Variants in ASTN2 observed in about 807,000 individuals in gnomAD.
ASTN2 encodes the protein astrotactin-2.
ASTN2 carries 54 observed loss-of-function variants against 139.8 expected under a neutral mutation model. The ratio of observed to expected loss-of-function variants is 0.39; its 90% CI spans 0.31 to 0.48. The LOEUF (loss-of-function observed/expected upper bound fraction) is 0.48. Ranked by LOEUF, ASTN2 falls within the 20% of genes least tolerant of loss-of-function variation. ASTN2 has a pLI of 0.95. For missense variants in ASTN2, 1,565 were observed against 1,725.1 expected (o/e 0.91, Z 1.64); for synonymous variants, 756 against 719.5 (o/e 1.05, Z -0.81).
At chr9:116,963,033 A>G (rs768228102) in intron 10 of ASTN2, among the ~76,000 whole-genome samples, 34 of 152,246 alleles carry the variant, frequency 2.2e-4, no homozygotes, top group Non-Finnish European at 4.6e-4. Context: ...TCGATCCATG[A>G]ACTCCAGGAA....
intron 13 of ASTN2, among the ~76,000 whole-genome samples, chr9:116,781,828 T>C (rs1289542996): frequency 1.1e-4 from 17 of 152,126 alleles, no homozygotes; most frequent in Admixed American, 1.1e-3. Flanking sequence ...CCACATATTG[T>C]TGAAAAGAAG....
chr9:116,478,822 T>G (rs764199249), intron 20 of ASTN2, among the ~76,000 whole-genome samples: 4 of 151,470 alleles, frequency 2.6e-5, no homozygotes, highest in Non-Finnish European at 4.4e-5. Context: ...TGAAACCCCA[T>G]CTCTACTAAA....
intron 10 of ASTN2, among the ~76,000 whole-genome samples, chr9:116,882,344 T>G (rs535038967): frequency 1.4e-4 from 22 of 152,188 alleles, no homozygotes; most frequent in Non-Finnish European, 2.9e-4. Context: ...TCAAAAGACT[T>G]CAGTCTTTTT....
At chr9:116,872,194 C>A (rs1833185531) in intron 10 of ASTN2, among the ~76,000 whole-genome samples, 1 of 151,854 alleles carries the variant, frequency 6.6e-6, no homozygotes, top group African/African-American at 2.4e-5. Context: ...GAACTTCTGA[C>A]CTCAGGTAAT....
In ASTN2 at chr9:116,530,129, A is replaced by T. The variant is rs1444301308; in HGVS notation, c.3356-42629T>A. 6.9e-4 allele frequency among the ~76,000 whole-genome samples: 23 copies of T among 33,280 alleles called. 3 individuals are homozygous for T. The highest frequency in any genetic ancestry group is 2.5e-3 in the African/African-American group (23 of 9,236). The allele number at this position is 33,280 out of a possible 152,430, so 21.8% of individuals were successfully genotyped here. On this transcript the variant is annotated intron_variant, in intron 19 of 22. Coordinates refer to ENST00000313400, the MANE Select transcript of ASTN2 (RefSeq NM_001365068.1). The stretch of plus-strand genomic sequence containing the variant: ...TATATATATATATATATATATATAT[A>T]TATATATATATATATATATATAAAA...
intron 10 of ASTN2, among the ~76,000 whole-genome samples, chr9:116,904,968 C>T (rs1834115324): frequency 6.6e-6 from 1 of 152,114 alleles, no homozygotes; most frequent in Non-Finnish European, 1.5e-5. Context: ...AACTCTCCTC[C>T]AAGTCCTCCA....
intron 13 of ASTN2, among the ~76,000 whole-genome samples, chr9:116,773,460 G>T (rs1232951137): frequency 7.2e-5 from 11 of 152,200 alleles, no homozygotes; most frequent in African/African-American, 2.7e-4. Flanking sequence ...TGGGGTCACA[G>T]AAATGGTGGT....
At chr9:116,973,754 A>G (rs1836273275) in intron 10 of ASTN2, among the ~76,000 whole-genome samples, 1 of 152,228 alleles carries the variant, frequency 6.6e-6, no homozygotes, top group East Asian at 1.9e-4. Context: ...GTAAATATCG[A>G]TGAATCAGTA....
At chr9:116,908,401 T>C (rs1270321341) in intron 10 of ASTN2, among the ~76,000 whole-genome samples, 3 of 109,010 alleles carry the variant, frequency 2.8e-5, no homozygotes, top group Admixed American at 9.2e-5. Flanking sequence ...AATGGAGTAA[T>C]GATTTATAAA....
chr9:116,609,379 G>A (rs1186158404), intron 19 of ASTN2, among the ~76,000 whole-genome samples: 22 of 116,720 alleles, frequency 1.9e-4, no homozygotes, highest in African/African-American at 2.9e-4. Flanking sequence ...ATATATGGGT[G>A]TATATATATA....
intron 3 of ASTN2, among the ~76,000 whole-genome samples, chr9:117,189,335 G>T (rs528962509): frequency 1.3e-5 from 2 of 152,212 alleles, no homozygotes; most frequent in East Asian, 3.9e-4. Context: ...GGCATGGGCT[G>T]GAACATGGAT....
chr9:117,229,910 A>G (rs1442497749), intron 2 of ASTN2, among the ~76,000 whole-genome samples: 1 of 152,140 alleles, frequency 6.6e-6, no homozygotes, highest in Non-Finnish European at 1.5e-5. Flanking sequence ...TGCGAGGCTG[A>G]AGTGGGAGAA....
At chr9:116,939,063 C>T (rs556197525) in intron 10 of ASTN2, among the ~76,000 whole-genome samples, 23 of 152,296 alleles carry the variant, frequency 1.5e-4, no homozygotes, top group African/African-American at 4.8e-4. Context: ...CTGGAGAACA[C>T]GGTGGTAATC....
At chr9:116,840,693 T>C (rs1832215911) in intron 11 of ASTN2, among the ~76,000 whole-genome samples, 1 of 105,358 alleles carries the variant, frequency 9.5e-6, no homozygotes, top group Non-Finnish European at 2.1e-5. Context: ...GTCTCCTCAC[T>C]TCTCAGACGG....
chr9:117,172,090 G>A (rs557190321), intron 3 of ASTN2, among the ~76,000 whole-genome samples: 1 of 152,210 alleles, frequency 6.6e-6, no homozygotes, highest in South Asian at 2.1e-4. Context: ...GATCTAAGAA[G>A]CCAGAGTACT....
At chr9:116,679,036 A>C (rs2132013138) in intron 16 of ASTN2, among the ~76,000 whole-genome samples, 1 of 152,318 alleles carries the variant, frequency 6.6e-6, no homozygotes, top group East Asian at 1.9e-4. Context: ...GACAGAAAAG[A>C]GACAAATTCA....
intron 11 of ASTN2, among the ~76,000 whole-genome samples, chr9:116,861,875 G>A (rs1832890708): frequency 6.6e-6 from 1 of 152,138 alleles, no homozygotes; most frequent in South Asian, 2.1e-4. Flanking sequence ...GCTAAGGAAA[G>A]CAGAGCTAAG....
chr9:117,228,406 T>G (rs951259504), intron 2 of ASTN2, among the ~76,000 whole-genome samples: 1 of 152,170 alleles, frequency 6.6e-6, no homozygotes, highest in African/African-American at 2.4e-5. Context: ...GGCATTGTTT[T>G]GCTGCCATTT....
intron 17 of ASTN2, among the ~76,000 whole-genome samples, chr9:116,637,171 TAG>T (rs1177922902): frequency 2.6e-5 from 4 of 152,178 alleles, no homozygotes; most frequent in African/African-American, 9.7e-5. Flanking sequence ...TGGACTAAGG[TAG>T]AGTCTACATC....
Sources: gnomAD v4.1 joint callset for allele counts (sites outside exome capture counted in the v4.1 genomes callset) on GRCh38, gnomAD v4.1.1 for gene constraint, MANE v1.5 for transcripts, NCBI Gene and HGNC (gene_info 2026-07-23, HGNC 2026-07-21) for gene names.